Variants in DNAH6 observed in about 807,000 individuals in gnomAD.
DNAH6 encodes dynein axonemal heavy chain 6.
Under a neutral mutation model 491.4 loss-of-function variants are expected in DNAH6, and 340 were observed. The ratio of observed to expected loss-of-function variants is 0.69; its 90% CI spans 0.63 to 0.76. The LOEUF (loss-of-function observed/expected upper bound fraction) is 0.76. DNAH6 is among the 30% of genes least tolerant of loss of function. The pLI is 0.00. For missense variants in DNAH6, 4,443 were observed against 4,972.2 expected, an observed-to-expected ratio of 0.89 and a Z score of 3.20; for synonymous variants, 1,603 against 1,686.1, an observed-to-expected ratio of 0.95 and a Z score of 1.21.
In DNAH6 at chr2:84,762,946, G is replaced by C. The variant is rs201792461; in HGVS notation, c.10703+1G>C. Reference sequence around the variant, plus strand: ...CCAGGGAAAGTGGATATTCAGAACGGTAAGTTCATGTTGTGCAGTTTTAAT... The same window carrying C: ...CCAGGGAAAGTGGATATTCAGAACGCTAAGTTCATGTTGTGCAGTTTTAAT... On this transcript the variant is annotated splice_donor_variant, in intron 64 of 76. Coordinates refer to ENST00000389394, the MANE Select transcript of DNAH6 (RefSeq NM_001370.2). LOFTEE classifies it high-confidence loss of function. 46 of 1,548,886 alleles carry C rather than the reference G, an allele frequency of 3.0e-5. No individual in the cohort carries two copies. Among genetic ancestry groups the C allele is most frequent in the Non-Finnish European group, 2.3e-5 (26 of 1,145,236 alleles).
chr2:84,589,035 C>A, intron 16 of DNAH6, 81 bp downstream of exon 16: 1 of 1,254,950 alleles, frequency 8.0e-7, no homozygotes, highest in Non-Finnish European at 1.1e-6. Flanking sequence ...AATAATGTAA[C>A]TGTAAACATT....
intron 62 of DNAH6, among the ~76,000 whole-genome samples, chr2:84,735,656 T>C (rs1247013052): frequency 2.0e-5 from 3 of 152,192 alleles, no homozygotes; most frequent in Non-Finnish European, 4.4e-5. Context: ...ATGTTGAGCA[T>C]TTTTTCATGT....
At chr2:84,711,546 T>C (rs949976221) in intron 56 of DNAH6, among the ~76,000 whole-genome samples, 5 of 152,254 alleles carry the variant, frequency 3.3e-5, no homozygotes, top group Non-Finnish European at 7.3e-5. Flanking sequence ...GCATGTTCAC[T>C]CCATGCCAGA....
the DNAH6 span, among the ~76,000 whole-genome samples, chr2:84,461,637 T>C: frequency 6.6e-6 from 1 of 152,236 alleles, no homozygotes; most frequent in Non-Finnish European, 1.5e-5. Context: ...ACATTTAGTA[T>C]ATAAAGCTAC....
chr2:84,491,260 C>A, the DNAH6 span, among the ~76,000 whole-genome samples: 1 of 152,306 alleles, frequency 6.6e-6, no homozygotes, highest in East Asian at 1.9e-4. Context: ...CCAGTTTCAA[C>A]TATATTTTTA....
intron 4 of DNAH6, among the ~76,000 whole-genome samples, chr2:84,542,345 A>G (rs1207088291): frequency 6.6e-6 from 1 of 152,336 alleles, no homozygotes; most frequent in East Asian, 1.9e-4. Flanking sequence ...CCCTAATTAT[A>G]TCTTTAGCTA....
Position 84,523,636 on chromosome 2 carries a change from G to T in DNAH6, c.226-1929G>T, listed in dbSNP as rs371971827. Among the ~76,000 whole-genome samples the T allele has an allele frequency of 3.0e-4, 46 of 152,168 alleles. 1 individual carries two copies. Among genetic ancestry groups the T allele is most frequent in the African/African-American group, 1.1e-3 (46 of 41,542 alleles). On this transcript the variant is annotated intron_variant, in intron 2 of 76. Transcript: ENST00000389394. ...AACACTGCCTTAACTGTGTCCCAGA[G>T]ATTCTAGTATGTTGTATCTTTGTTC...
At chr2:84,568,931 A>G (rs2103901143) in intron 11 of DNAH6, among the ~76,000 whole-genome samples, 1 of 152,336 alleles carries the variant, frequency 6.6e-6, no homozygotes. Flanking sequence ...AAACGCTCTC[A>G]CATTAAGCTT....
At chr2:84,577,208 A>G (rs1405500796) in intron 12 of DNAH6, 49 bp from the exon 13 acceptor site, 3 of 1,175,568 alleles carry the variant, frequency 2.6e-6, no homozygotes, top group Non-Finnish European at 3.5e-6. Flanking sequence ...ATGATCTTTT[A>G]AAATCCAATA....
At chr2:84,616,518 C>T (rs1558802123) in intron 22 of DNAH6, among the ~76,000 whole-genome samples, 1 of 152,062 alleles carries the variant, frequency 6.6e-6, no homozygotes, top group Non-Finnish European at 1.5e-5. Flanking sequence ...CTCCTGCCCA[C>T]TTTTGGTGTC....
At chr2:84,764,604 G>GA (rs932292183) in intron 64 of DNAH6, among the ~76,000 whole-genome samples, 1 of 152,094 alleles carries the variant, frequency 6.6e-6, no homozygotes, top group African/African-American at 2.4e-5. Context: ...GCATCATAGA[G>GA]AAAAAATCAA....
At chr2:84,637,480 A>G in intron 31 of DNAH6, 103 bp downstream of exon 31, 1 of 1,218,982 alleles carries the variant, frequency 8.2e-7, no homozygotes, top group Non-Finnish European at 1.1e-6. Flanking sequence ...GCCCCTATTA[A>G]TGGTTACACA....
At chr2:84,704,401 C>T in intron 51 of DNAH6, 99 bp downstream of exon 51, 1 of 872,674 alleles carries the variant, frequency 1.1e-6, no homozygotes, top group Admixed American at 2.7e-5. Flanking sequence ...TCTCCACCTT[C>T]TCATTGCTTC....
At chr2:84,466,174 T>C in the DNAH6 span, among the ~76,000 whole-genome samples, 1 of 152,208 alleles carries the variant, frequency 6.6e-6, no homozygotes, top group Non-Finnish European at 1.5e-5. Context: ...ACTTCTTTAC[T>C]TACAGGCCAG....
rs1457245938 is a variant in DNAH6, at chr2:84,577,251, A to T, written c.1925-6A>T. On this transcript the variant is annotated splice_polypyrimidine_tract_variant and splice_region_variant and intron_variant, in intron 12 of 76. Transcript: ENST00000389394. ...TTTTATGCTTTATGTGAATTTTTTTATGTAGATATTAACTTTTTTAGTGAA... is the reference window on the plus strand; with the variant it reads ...TTTTATGCTTTATGTGAATTTTTTTTTGTAGATATTAACTTTTTTAGTGAA... 1.3e-6 allele frequency: 2 copies of T among 1,553,394 alleles called. No individual in the cohort carries two copies. The highest frequency in any genetic ancestry group is 2.0e-5 in the Admixed American group (1 of 49,844).
At chr2:84,704,823 T>C (rs1262433258) in intron 51 of DNAH6, among the ~76,000 whole-genome samples, 2 of 152,182 alleles carry the variant, frequency 1.3e-5, no homozygotes, top group African/African-American at 4.8e-5. Context: ...TGATACAAAC[T>C]TTTTTTCAAT....
In DNAH6 at chr2:84,517,830, A is replaced by G; in HGVS notation, c.4A>G (p.Thr2Ala). 6.5e-7 allele frequency: 1 copy of G among 1,550,366 alleles called. No homozygotes were observed. The highest frequency in any genetic ancestry group is 8.7e-7 in the Non-Finnish European group (1 of 1,146,670). M[T>A]FRATDSEFDL... Reference sequence around the variant, plus strand: ...CCTATTCTTTTCAGGAGTAAGGATGACTTTTCGGGCCACAGATAGTGAATT... The same window carrying G: ...CCTATTCTTTTCAGGAGTAAGGATGGCTTTTCGGGCCACAGATAGTGAATT... Residue 2 changes from threonine to alanine, a missense_variant, in exon 2 of 77, where the codon ACT becomes GCT. By Grantham distance (58) the Thr-to-Ala change is moderately conservative. Around this residue, in one of 3 missense-constraint regions of DNAH6, gnomAD observed 2,977 missense variants for 3,296.6 expected, o/e 0.90. Transcript: ENST00000389394.
At chr2:84,536,319 A>C (rs1416721768) in intron 4 of DNAH6, among the ~76,000 whole-genome samples, 1 of 152,058 alleles carries the variant, frequency 6.6e-6, no homozygotes, top group East Asian at 1.9e-4. Flanking sequence ...TGACCACCTG[A>C]ATAGCTTAAC....
chr2:84,795,993 C>T (rs961017102), intron 68 of DNAH6, among the ~76,000 whole-genome samples: 15 of 151,984 alleles, frequency 9.9e-5, no homozygotes, highest in African/African-American at 3.6e-4. Flanking sequence ...AATGATAAGA[C>T]TCAAAATCAG....
Sources: allele counts gnomAD v4.1 joint callset (sites outside exome capture counted in the v4.1 genomes callset), GRCh38; gene constraint gnomAD v4.1.1; regional missense constraint gnomAD v4.1.1; transcripts MANE v1.5; gene names NCBI Gene and HGNC (gene_info 2026-07-23, HGNC 2026-07-21).